L2HGDH: variants seen among roughly 807,000 people sequenced by gnomAD.
L2HGDH encodes the protein L-2-hydroxyglutarate dehydrogenase, also known as L-2-hydroxyglutarate dehydrogenase, mitochondrial.
Under a neutral mutation model 51.5 loss-of-function variants are expected in L2HGDH, and 34 were observed. The observed-to-expected ratio is 0.66, with a 90% CI of 0.50 to 0.88. The LOEUF (loss-of-function observed/expected upper bound fraction) is 0.88, where lower values mean the gene tolerates loss of function less well. L2HGDH is among the 40% of genes least tolerant of loss of function. The pLI is 0.00. For synonymous variants in L2HGDH, 198 were observed against 197.9 expected (o/e 1.00, Z -0.01); for missense variants, 558 against 571.9 (o/e 0.98, Z 0.25).
intron 1 of L2HGDH, among the ~76,000 whole-genome samples, chr14:50,305,041 A>C (rs753118219): frequency 1.3e-5 from 2 of 152,202 alleles, no homozygotes; most frequent in African/African-American, 2.4e-5. Context: ...CATCAATTTG[A>C]TTAGAATTGC....
In L2HGDH at chr14:50,297,941, A is replaced by T. The variant is rs1487920168; in HGVS notation, c.409-3695T>A. Reference sequence around the variant, plus strand: ...CGGAGGGAGATCCTAACTCAAAAAAAAAAACCAAAACGAACAACAACAACA... The same window carrying T: ...CGGAGGGAGATCCTAACTCAAAAAATAAAACCAAAACGAACAACAACAACA... On this transcript the variant is annotated intron_variant, in intron 3 of 9. Transcript: ENST00000267436. 5.9e-5 allele frequency among the ~76,000 whole-genome samples: 9 copies of T among 152,192 alleles called. 1 individual carries two copies. Among genetic ancestry groups the T allele is most frequent in the African/African-American group, 2.2e-4 (9 of 41,516 alleles).
rs1176771023 is a variant in L2HGDH, at chr14:50,245,085, A to G, written c.*1973T>C. ...TGGGCATCAACTTAAAATACTCATG[A>G]GGTGAATGTAAGGCACTTTCGCGGT... On this transcript the variant is annotated 3_prime_UTR_variant, in exon 10 of 10. Transcript: ENST00000267436. 2 of 985,702 alleles carry G rather than the reference A, an allele frequency of 2.0e-6. No individual in the cohort carries two copies. Among genetic ancestry groups the G allele is most frequent in the African/African-American group, 1.7e-5 (1 of 57,240 alleles). 61.1% of individuals were successfully genotyped at this position (985,702 alleles called of 1,614,324 possible).
In L2HGDH at chr14:50,242,856, G is replaced by T; in HGVS notation, c.*4202C>A. The T allele has an allele frequency of 2.0e-6, 2 of 985,426 alleles. No individual in the cohort carries two copies. Among genetic ancestry groups the T allele is most frequent in the Non-Finnish European group, 2.4e-6 (2 of 829,932 alleles). The allele number at this position is 985,426 out of a possible 1,614,324, so 61.0% of individuals were successfully genotyped here. ...CCTCTGACCAAGAAGTCTAGACACA[G>T]ATTAAGGGCCCAGGAGGGCAGAGCC... On this transcript the variant is annotated 3_prime_UTR_variant, in exon 10 of 10. Transcript: ENST00000267436.
chr14:50,310,259 A>C (rs911223823), intron 1 of L2HGDH, among the ~76,000 whole-genome samples: 3 of 149,122 alleles, frequency 2.0e-5, no homozygotes, highest in Non-Finnish European at 4.5e-5. Context: ...TTTGTAGAGA[A>C]GGGATCTTAT....
intron 4 of L2HGDH, among the ~76,000 whole-genome samples, chr14:50,291,861 G>T (rs529607793): frequency 4.6e-5 from 7 of 152,128 alleles, no homozygotes; most frequent in African/African-American, 1.7e-4. Context: ...AATTAGAAAA[G>T]AAGAAATAAA....
At chr14:50,260,724 C>G (rs1284614568) in intron 9 of L2HGDH, among the ~76,000 whole-genome samples, 2 of 152,066 alleles carry the variant, frequency 1.3e-5, no homozygotes, top group Non-Finnish European at 2.9e-5. Flanking sequence ...TGGTTCTCAA[C>G]CAAAGGAGAT....
At chr14:50,265,267 G>A in intron 9 of L2HGDH, 91 bp downstream of exon 9, 1 of 1,115,870 alleles carries the variant, frequency 9.0e-7, no homozygotes, top group Non-Finnish European at 1.4e-6. Flanking sequence ...GACTGACTCT[G>A]AAATGGTACT....
At chr14:50,303,614 T>A (rs927640194) in intron 1 of L2HGDH, among the ~76,000 whole-genome samples, 1 of 151,478 alleles carries the variant, frequency 6.6e-6, no homozygotes, top group East Asian at 1.9e-4. Context: ...CCATCTTTAC[T>A]AAAAATACAA....
In L2HGDH at chr14:50,247,192, C is replaced by T. The variant is rs755837506; in HGVS notation, c.1258G>A (p.Val420Ile). 5.0e-6 allele frequency: 8 copies of T among 1,614,044 alleles called. No individual in the cohort carries two copies. The highest frequency in any genetic ancestry group is 5.9e-6 in the Non-Finnish European group (7 of 1,180,040). Residue 420 changes from valine (V) to isoleucine (I), a missense_variant, in exon 10 of 10, where the codon GTA becomes ATA. By Grantham distance (29) the Val-to-Ile change is conservative. This residue lies in a region of L2HGDH where 321 missense variants were observed against 311.8 expected (regional missense o/e 1.03). Transcript: ENST00000267436. ...ATATCCCCAACTCCTGCATCAAATACAAAATCTTCTACCAGATTTCCATCT... is the reference window on the plus strand; with the variant it reads ...ATATCCCCAACTCCTGCATCAAATATAAAATCTTCTACCAGATTTCCATCT... ...DRDGNLVEDF[V>I]FDAGVGDIGN...
chr14:50,302,330 T>C (rs1210579952), intron 2 of L2HGDH, among the ~76,000 whole-genome samples, 162 bp from the exon 3 acceptor site: 1 of 152,202 alleles, frequency 6.6e-6, no homozygotes, highest in Non-Finnish European at 1.5e-5. Context: ...ATCCCTGGTA[T>C]CCATGTCACA....
chr14:50,309,062 G>T (rs1335458188), intron 1 of L2HGDH, among the ~76,000 whole-genome samples: 1 of 152,132 alleles, frequency 6.6e-6, no homozygotes, highest in Non-Finnish European at 1.5e-5. Context: ...TTAGTCCTTT[G>T]GGAGATATGC....
rs763483534 is a variant in L2HGDH at position 50,302,976 on chromosome 14, A to T, written c.182T>A (p.Leu61His). 1 of 1,614,020 alleles carries T rather than the reference A, an allele frequency of 6.2e-7. No homozygotes were observed. Among genetic ancestry groups the T allele is most frequent in the Non-Finnish European group, 8.5e-7 (1 of 1,179,870 alleles). Residue 61 changes from leucine to histidine, a missense_variant, in exon 2 of 10, where the codon CTT becomes CAT. Around this residue, in one of 3 missense-constraint regions of L2HGDH, gnomAD observed 194 missense variants for 187.2 expected, o/e 1.04. Transcript: ENST00000267436. The stretch of plus-strand genomic sequence containing the variant: ...CAGGATGAGTGCTCTGGCAGAGGCA[A>T]GCCCCACAATTCCGCCACCAACGAT... ...IVIVGGGIVG[L>H]ASARALILRH...
In L2HGDH at chr14:50,267,831, G is replaced by A. The variant is rs776731232; in HGVS notation, c.986C>T (p.Ala329Val). The part of the protein sequence containing the change: ...MDGSIWLGPN[A>V]VLAFKREGYR... ...ACCCTCTCGTTTAAAGGCAAGAACT[G>A]CATTAGGCCCTAGCCAAATACTGCC... Residue 329 changes from alanine (A) to valine (V), a missense_variant, in exon 8 of 10, where the codon GCA (alanine) becomes GTA (valine). Physicochemically the swap from Ala to Val is moderately conservative, Grantham distance 64 (BLOSUM62 0). Coordinates refer to ENST00000267436, the MANE Select transcript of L2HGDH (RefSeq NM_024884.3). The A allele has an allele frequency of 6.2e-7, 1 of 1,613,688 alleles. No homozygotes were observed. The highest frequency in any genetic ancestry group is 8.5e-7 in the Non-Finnish European group (1 of 1,179,576).
In L2HGDH at chr14:50,245,680, T is replaced by C. The variant is rs963401367; in HGVS notation, c.*1378A>G. ...ACCTACAATATAATGTATTTTCTTG[T>C]CTATGAGAGACCAAACGAGCTTAGG... On this transcript the variant is annotated 3_prime_UTR_variant, in exon 10 of 10. Transcript: ENST00000267436. 2.0e-5 allele frequency: 20 copies of C among 984,748 alleles called. No individual in the cohort carries two copies. In the African/African-American group the frequency reaches 3.3e-4, roughly 16 times the overall value. The allele number at this position is 984,748 out of a possible 1,614,324, so 61.0% of individuals were successfully genotyped here. A position where few individuals can be genotyped will look rare whatever the true frequency, so the allele number is the denominator to read the frequency against.
chr14:50,243,056 G>A lies in L2HGDH; in HGVS notation c.*4002C>T. On this transcript the variant is annotated 3_prime_UTR_variant, in exon 10 of 10. Transcript: ENST00000267436. ...TTTGAAGAAAGTTCTAAGAGTTAAG[G>A]TTATCCCACAGGCTACTAGGTAGAT... 1.0e-6 allele frequency: 1 copy of A among 985,422 alleles called. No homozygotes were observed. The highest frequency in any genetic ancestry group is 1.2e-6 in the Non-Finnish European group (1 of 829,946). The allele number at this position is 985,422 out of a possible 1,614,324, so 61.0% of individuals were successfully genotyped here.
At chr14:50,255,705 G>A (rs1489129326) in intron 9 of L2HGDH, among the ~76,000 whole-genome samples, 1 of 151,986 alleles carries the variant, frequency 6.6e-6, no homozygotes, top group Non-Finnish European at 1.5e-5. Flanking sequence ...TAAGCTTTAA[G>A]TTAAAATTTA....
Position 50,243,373 on chromosome 14 carries a change from G to C in L2HGDH, c.*3685C>G, listed in dbSNP as rs1042385729. On this transcript the variant is annotated 3_prime_UTR_variant, in exon 10 of 10. Transcript: ENST00000267436. ...ACACAGAAATGAGTTTTTTAAAAAG[G>C]TTGGCTGCTATCTATCTAAAGCAAA... 1.0e-6 allele frequency: 1 copy of C among 983,612 alleles called. No homozygotes were observed. The highest frequency in any genetic ancestry group is 1.2e-6 in the Non-Finnish European group (1 of 828,650). The allele number at this position is 983,612 out of a possible 1,614,324, so 60.9% of individuals were successfully genotyped here. A position where few individuals can be genotyped will look rare whatever the true frequency, so the allele number is the denominator to read the frequency against.
intron 5 of L2HGDH, among the ~76,000 whole-genome samples, chr14:50,283,322 G>C (rs377522559): frequency 4.5e-4 from 69 of 152,234 alleles, no homozygotes; most frequent in African/African-American, 1.5e-3. Context: ...TCAGATTTTA[G>C]CACCAGTCAG....
chr14:50,257,196 T>C (rs1888716630), intron 9 of L2HGDH, among the ~76,000 whole-genome samples: 1 of 152,164 alleles, frequency 6.6e-6, no homozygotes, highest in Admixed American at 6.6e-5. Flanking sequence ...GGCAAAGTGC[T>C]GGGATTACAG....
Sources: allele counts gnomAD v4.1 joint callset (sites outside exome capture counted in the v4.1 genomes callset), GRCh38; gene constraint gnomAD v4.1.1; regional missense constraint gnomAD v4.1.1; transcripts MANE v1.5; gene names NCBI Gene and HGNC (gene_info 2026-07-23, HGNC 2026-07-21).